The following ZNF469 variants were observed in gnomAD, a reference collection of about 807,000 sequenced individuals.
The protein encoded by ZNF469 is zinc finger protein 469.
ZNF469 carries 1 observed loss-of-function variant against 1.0 expected under a neutral mutation model. That is an observed-to-expected ratio of 1.00 (90% CI 0.35 to 4.73). ZNF469 has a LOEUF of 4.73. ZNF469 is among the 30% of genes most tolerant of loss of function. The probability of loss-of-function intolerance (pLI) is 0.16; values close to 1 mark genes in which losing one functional copy is unlikely to be tolerated. For synonymous variants in ZNF469, 2,703 were observed against 2,363.4 expected (o/e 1.14, Z -4.17); for missense variants, 6,100 against 5,356.3 (o/e 1.14, Z -4.33).
chr16:88,396,902 C>CTCATGAAGGGAGGCCGGGAGGAGAT (rs1230560845), intron 1 of ZNF469, among the ~76,000 whole-genome samples: 1 of 149,314 alleles, frequency 6.7e-6, no homozygotes, highest in Non-Finnish European at 1.5e-5. Context: ...GGTGGAGACC[C>CTCATGAAGGGAGGCCGGGAGGAGAT]TCATGAAGGG....
the ZNF469 span, among the ~76,000 whole-genome samples, chr16:88,336,115 T>C: frequency 3.0e-3 from 456 of 150,864 alleles, 2 homozygotes; most frequent in African/African-American, 0.011. Flanking sequence ...CGTGAGACAC[T>C]AACATGCCAA....
At position 88,427,424 on chromosome 16, in the gene ZNF469, GC is replaced by G; in HGVS notation, c.-41del. The G allele has an allele frequency of 1.4e-6, 2 of 1,443,114 alleles. No individual in the cohort carries two copies. Among genetic ancestry groups the G allele is most frequent in the Non-Finnish European group, 1.8e-6 (2 of 1,101,110 alleles). 89.4% of individuals were successfully genotyped at this position (1,443,114 alleles called of 1,614,324 possible). A position where few individuals can be genotyped will look rare whatever the true frequency, so the allele number is the denominator to read the frequency against. ...ATGGCCGTCCAGCCCACTCCCCAGGGCCCCCCTCGGACAGCTGCGTCGTCCT... is the reference window on the plus strand; with the variant it reads ...ATGGCCGTCCAGCCCACTCCCCAGGGCCCCCTCGGACAGCTGCGTCGTCCT... On this transcript the variant is annotated 5_prime_UTR_variant, in exon 3 of 3. The change abolishes the stop of an existing upstream ORF in the 5' untranslated region. Transcript: ENST00000565624.
At chr16:88,317,952 C>T in the ZNF469 span, among the ~76,000 whole-genome samples, 1 of 152,236 alleles carries the variant, frequency 6.6e-6, no homozygotes, top group Non-Finnish European at 1.5e-5. Flanking sequence ...GGGTGAGGTC[C>T]CCGTGCCTTG....
chr16:88,218,453 C>A, the ZNF469 span, among the ~76,000 whole-genome samples: 2 of 151,736 alleles, frequency 1.3e-5, no homozygotes. Context: ...TTAATTAGAT[C>A]CCATTTGTCA....
the ZNF469 span, among the ~76,000 whole-genome samples, chr16:88,296,403 T>A: frequency 6.6e-6 from 1 of 151,226 alleles, no homozygotes; most frequent in African/African-American, 2.4e-5. Context: ...CAGACACATA[T>A]GTGCACACCC....
the ZNF469 span, among the ~76,000 whole-genome samples, chr16:88,184,961 T>C: frequency 3.9e-5 from 6 of 152,144 alleles, no homozygotes; most frequent in East Asian, 1.9e-4. Flanking sequence ...AACACACTCA[T>C]GCACACGCAA....
Position 88,433,795 on chromosome 16 carries a change from G to T in ZNF469, c.6325G>T (p.Asp2109Tyr), listed in dbSNP as rs1906369630. Reference sequence around the variant, plus strand: ...GGATAGCCCAGCACCCTCTGTCGGGGACCTGGCCGCCTGCGCCCCCTCACC... The same window carrying T: ...GGATAGCCCAGCACCCTCTGTCGGGTACCTGGCCGCCTGCGCCCCCTCACC... ...TGDSPAPSVG[D>Y]LAACAPSPTS... Residue 2109 changes from aspartate to tyrosine, a missense_variant, in exon 3 of 3, where the codon GAC (aspartate) becomes TAC (tyrosine). Asp to Tyr is a radical substitution (Grantham distance 160, BLOSUM62 -3). Transcript: ENST00000565624. 2 of 1,549,714 alleles carry T rather than the reference G, an allele frequency of 1.3e-6. No homozygotes were observed. The highest frequency in any genetic ancestry group is 1.7e-6 in the Non-Finnish European group (2 of 1,146,842).
At chr16:88,328,119 G>A in the ZNF469 span, among the ~76,000 whole-genome samples, 40 of 152,242 alleles carry the variant, frequency 2.6e-4, no homozygotes, top group African/African-American at 9.2e-4. Flanking sequence ...CGAGGAATCC[G>A]CAGGTCCCAG....
the ZNF469 span, among the ~76,000 whole-genome samples, chr16:88,225,984 G>C: frequency 2.0e-5 from 3 of 152,034 alleles, no homozygotes; most frequent in Non-Finnish European, 2.9e-5. Context: ...CCTTGCACAT[G>C]GCAGAAGGGC....
chr16:88,433,004 C>T lies in ZNF469; in HGVS notation c.5534C>T (p.Pro1845Leu), dbSNP rs1402736643. The T allele has an allele frequency of 4.5e-6, 7 of 1,550,418 alleles. No individual in the cohort carries two copies. Among genetic ancestry groups the T allele is most frequent in the Non-Finnish European group, 6.1e-6 (7 of 1,146,988 alleles). ...GGCAGAGCAGGTGGGCACCTCCACC[C>T]CACGGCAGGGAGGCCTGGCTTTGAG... is the stretch of plus-strand genomic sequence containing the variant. ...SAGRAGGHLH[P>L]TAGRPGFEGN... The change falls in exon 3 of 3, where the codon CCC becomes CTC. Residue 1845 changes from proline to leucine, a missense_variant. Transcript: ENST00000565624.
At chr16:88,349,774 A>AT in the ZNF469 span, among the ~76,000 whole-genome samples, 1 of 25,516 alleles carries the variant, frequency 3.9e-5, no homozygotes, top group Non-Finnish European at 8.1e-5. Flanking sequence ...AATACACACC[A>AT]ACACAAGTGC....
chr16:88,170,924 G>A, the ZNF469 span, among the ~76,000 whole-genome samples: 2 of 152,166 alleles, frequency 1.3e-5, no homozygotes, highest in East Asian at 3.8e-4. The surrounding 1 kb of genome is among the most constrained non-coding windows in gnomAD (Gnocchi z 4.2). Context: ...GGGTAGCGGG[G>A]GACAGCAGAC....
chr16:88,297,298 G>A, the ZNF469 span, among the ~76,000 whole-genome samples: 2 of 152,306 alleles, frequency 1.3e-5, no homozygotes, highest in Non-Finnish European at 2.9e-5. Context: ...TGATCAAAGA[G>A]GTTCCGTTGC....
At chr16:88,106,202 C>A in the ZNF469 span, among the ~76,000 whole-genome samples, 1 of 152,234 alleles carries the variant, frequency 6.6e-6, no homozygotes, top group Non-Finnish European at 1.5e-5. Flanking sequence ...AGCCTCCACC[C>A]GCGCCCCCAC....
chr16:88,425,611 A>T (rs1176052568), intron 2 of ZNF469, among the ~76,000 whole-genome samples: 1 of 152,172 alleles, frequency 6.6e-6, no homozygotes, highest in Admixed American at 6.5e-5. Context: ...GGCGACAATC[A>T]CAGATCACCT....
the ZNF469 span, among the ~76,000 whole-genome samples, chr16:88,185,790 A>C: frequency 2.0e-5 from 3 of 149,688 alleles, no homozygotes; most frequent in Admixed American, 6.6e-5. Flanking sequence ...ACACATGTGA[A>C]TATAGTACTC....
the ZNF469 span, among the ~76,000 whole-genome samples, chr16:88,148,143 C>A: frequency 1.3e-5 from 2 of 152,158 alleles, no homozygotes; most frequent in Non-Finnish European, 2.9e-5. Context: ...GCACCCTGCT[C>A]TGTAGCCTGC....
chr16:88,112,592 C>T, the ZNF469 span, among the ~76,000 whole-genome samples: 5 of 152,132 alleles, frequency 3.3e-5, no homozygotes, highest in South Asian at 2.1e-4. Context: ...CTTTGAGAAA[C>T]GTCTATTCAG....
the ZNF469 span, among the ~76,000 whole-genome samples, chr16:88,115,357 T>G: frequency 6.6e-6 from 1 of 151,930 alleles, no homozygotes; most frequent in Non-Finnish European, 1.5e-5. Flanking sequence ...CAAGTACATG[T>G]GTGACGCTCA....
Sources: gnomAD v4.1 joint callset for allele counts (sites outside exome capture counted in the v4.1 genomes callset) on GRCh38, gnomAD v4.1.1 for gene constraint, Gnocchi (gnomAD v3.1) non-coding constraint, MANE v1.5 for transcripts, NCBI Gene and HGNC (gene_info 2026-07-23, HGNC 2026-07-21) for gene names.